The following FHIT variants were observed in gnomAD, a reference collection of about 807,000 sequenced individuals.
FHIT encodes the protein fragile histidine triad diadenosine triphosphatase.
A neutral mutation model predicts 17.9 loss-of-function variants in FHIT; 19 were observed. That is an observed-to-expected ratio of 1.06 (90% CI 0.74 to 1.56). The LOEUF is 1.56. Ranked by LOEUF, FHIT falls within the 40% of genes most tolerant of loss-of-function variation. The probability of loss-of-function intolerance (pLI) is 0.00; values close to 1 mark genes in which losing one functional copy is unlikely to be tolerated. For synonymous variants in FHIT, 81 were observed against 69.7 expected, an observed-to-expected ratio of 1.16 and a Z score of -0.81; for missense variants, 248 against 189.2, an observed-to-expected ratio of 1.31 and a Z score of -1.82.
intron 3 of FHIT, among the ~76,000 whole-genome samples, chr3:60,892,960 T>C (rs1387486918): frequency 3.3e-5 from 5 of 152,196 alleles, no homozygotes; most frequent in Admixed American, 1.3e-4. Flanking sequence ...GAAATCTCTG[T>C]TGTCCAGATT....
chr3:60,074,765 T>G (rs1702932127), intron 5 of FHIT, among the ~76,000 whole-genome samples: 1 of 152,112 alleles, frequency 6.6e-6, no homozygotes, highest in African/African-American at 2.4e-5. Context: ...TTTCCTCAGC[T>G]CTTTATTTCT....
intron 7 of FHIT, among the ~76,000 whole-genome samples, chr3:59,928,017 G>A (rs981712099): frequency 4.6e-5 from 7 of 152,164 alleles, no homozygotes; most frequent in African/African-American, 1.4e-4. Flanking sequence ...AATTCTAAGG[G>A]ATAGAAACAT....
At chr3:60,673,959 G>A (rs1434183215) in intron 4 of FHIT, among the ~76,000 whole-genome samples, 1 of 151,946 alleles carries the variant, frequency 6.6e-6, no homozygotes, top group Non-Finnish European at 1.5e-5. Flanking sequence ...CTATATTTGG[G>A]AAAATTTGTT....
At chr3:60,813,052 G>C (rs880003190) in intron 4 of FHIT, among the ~76,000 whole-genome samples, 1 of 151,876 alleles carries the variant, frequency 6.6e-6, no homozygotes, top group South Asian at 2.1e-4. Flanking sequence ...CAAGAGGTGG[G>C]ACCACTGAGA....
At chr3:61,177,939 G>GT (rs951716410) in intron 2 of FHIT, among the ~76,000 whole-genome samples, 7 of 151,864 alleles carry the variant, frequency 4.6e-5, no homozygotes, top group South Asian at 2.1e-4. Context: ...CACTTTCTGG[G>GT]TTTTTTTTCC....
intron 4 of FHIT, among the ~76,000 whole-genome samples, chr3:60,813,600 A>T (rs1233922587): frequency 6.6e-6 from 1 of 152,122 alleles, no homozygotes; most frequent in Non-Finnish European, 1.5e-5. Context: ...TTATACTGAG[A>T]TCTCTATACT....
intron 3 of FHIT, among the ~76,000 whole-genome samples, chr3:60,899,468 A>G (rs6804478): frequency 0.5 from 76,013 of 152,034 alleles, 19,437 homozygotes; most frequent in Middle Eastern, 0.64. Context: ...ATTTTTTCAT[A>G]TGAATATATT....
intron 3 of FHIT, among the ~76,000 whole-genome samples, chr3:60,911,955 T>C (rs1359793008): frequency 6.6e-6 from 1 of 152,146 alleles, no homozygotes; most frequent in Admixed American, 6.6e-5. Flanking sequence ...CACTGTAAGA[T>C]GCTGACAATA....
intron 5 of FHIT, among the ~76,000 whole-genome samples, chr3:60,358,029 A>G (rs1699749266): frequency 6.6e-6 from 1 of 152,096 alleles, no homozygotes; most frequent in African/African-American, 2.4e-5. Flanking sequence ...TGGAATCAAA[A>G]CTCAGGAGAT....
rs1418764214 is a variant in FHIT at position 59,752,258 on chromosome 3, C to T, written c.412G>A (p.Glu138Lys). Residue 138 changes from glutamate to lysine, a missense_variant, in exon 9 of 10, where the codon GAA becomes AAA. Coordinates refer to ENST00000492590, the MANE Select transcript of FHIT (RefSeq NM_002012.4). ...AAGTAGACCCGCAGAGCTGCGGCTT[C>T]TGCTGCCATTTCCTCCTCTGATCTC... ...SWRSEEEMAA[E>K]AAALRVYFQ 1.2e-6 allele frequency: 2 copies of T among 1,613,276 alleles called. No individual in the cohort carries two copies. The highest frequency in any genetic ancestry group is 1.1e-5 in the South Asian group (1 of 91,036).
At chr3:60,340,362 A>G (rs1054268220) in intron 5 of FHIT, among the ~76,000 whole-genome samples, 16 of 152,168 alleles carry the variant, frequency 1.1e-4, no homozygotes, top group African/African-American at 3.9e-4. Context: ...TATCTCCTAC[A>G]ACCGAATTAG....
chr3:60,941,358 T>C (rs1219039134), intron 3 of FHIT, among the ~76,000 whole-genome samples: 1 of 152,188 alleles, frequency 6.6e-6, no homozygotes, highest in East Asian at 1.9e-4. Flanking sequence ...TTCTCTTCTA[T>C]AATTTTCTAC....
chr3:60,342,072 C>T (rs905201175), intron 5 of FHIT, among the ~76,000 whole-genome samples: 1 of 152,158 alleles, frequency 6.6e-6, no homozygotes, highest in African/African-American at 2.4e-5. Flanking sequence ...GAATTCCAAG[C>T]CATACACAGG....
intron 8 of FHIT, among the ~76,000 whole-genome samples, chr3:59,854,441 C>T (rs909980724): frequency 1.3e-5 from 2 of 152,180 alleles, no homozygotes; most frequent in Non-Finnish European, 2.9e-5. Context: ...TTCCAATGAG[C>T]ATCCCAATCA....
intron 7 of FHIT, among the ~76,000 whole-genome samples, chr3:59,992,885 C>T (rs777709879): frequency 3.3e-5 from 5 of 152,050 alleles, no homozygotes; most frequent in African/African-American, 4.8e-5. Context: ...CTTCTGGCTA[C>T]AATGAAATGA....
At chr3:60,237,799 G>C (rs79206441) in intron 5 of FHIT, among the ~76,000 whole-genome samples, 8 of 152,208 alleles carry the variant, frequency 5.3e-5, no homozygotes, top group African/African-American at 1.7e-4. Context: ...TGAAAATACT[G>C]AATTTTTCTG....
At chr3:61,114,405 C>A (rs2036242424) in intron 2 of FHIT, among the ~76,000 whole-genome samples, 1 of 152,172 alleles carries the variant, frequency 6.6e-6, no homozygotes, top group South Asian at 2.1e-4. Flanking sequence ...CAGCCAGAAG[C>A]CCAAGCTTTA....
intron 5 of FHIT, among the ~76,000 whole-genome samples, chr3:60,205,404 C>T (rs1383431945): frequency 6.6e-6 from 1 of 152,114 alleles, no homozygotes; most frequent in South Asian, 2.1e-4. Context: ...TAGGTCAGAA[C>T]GTCCCAAATT....
At chr3:60,561,962 G>GAGAGAGAGAGAT (rs2036968918) in intron 4 of FHIT, among the ~76,000 whole-genome samples, 1 of 151,964 alleles carries the variant, frequency 6.6e-6, no homozygotes, top group African/African-American at 2.4e-5. Context: ...GAGAGAGAGA[G>GAGAGAGAGAGAT]AGAAAGATAA....
Sources: allele counts gnomAD v4.1 joint callset (sites outside exome capture counted in the v4.1 genomes callset), GRCh38; gene constraint gnomAD v4.1.1; transcripts MANE v1.5; gene names NCBI Gene and HGNC (gene_info 2026-07-23, HGNC 2026-07-21).